ERBB4: variants seen among roughly 807,000 people sequenced by gnomAD.
ERBB4 encodes the protein receptor tyrosine-protein kinase erbB-4.
A neutral mutation model predicts 158.0 loss-of-function variants in ERBB4; 42 were observed. The ratio of observed to expected loss-of-function variants is 0.27; its 90% CI spans 0.21 to 0.34. The LOEUF (loss-of-function observed/expected upper bound fraction) is 0.34. ERBB4 is among the 10% of genes least tolerant of loss of function. The probability of loss-of-function intolerance (pLI) is 1.00; values close to 1 mark genes in which losing one functional copy is unlikely to be tolerated. For synonymous variants in ERBB4, 583 were observed against 558.7 expected, an observed-to-expected ratio of 1.04 and a Z score of -0.61; for missense variants, 1,333 against 1,624.1, an observed-to-expected ratio of 0.82 and a Z score of 3.08.
At chr2:212,367,090 C>G (rs770632652) in intron 1 of ERBB4, among the ~76,000 whole-genome samples, 3 of 151,932 alleles carry the variant, frequency 2.0e-5, no homozygotes, top group Non-Finnish European at 2.9e-5. Context: ...ACTACACCCC[C>G]AAAACCCTGT....
At chr2:212,204,331 T>A (rs2082673043) in intron 1 of ERBB4, among the ~76,000 whole-genome samples, 1 of 152,198 alleles carries the variant, frequency 6.6e-6, no homozygotes, top group South Asian at 2.1e-4. Flanking sequence ...TGTTTTAAAC[T>A]TAATGTGTCT....
chr2:212,411,961 C>T (rs1400351030), intron 1 of ERBB4, among the ~76,000 whole-genome samples: 1 of 152,114 alleles, frequency 6.6e-6, no homozygotes, highest in Admixed American at 6.6e-5. Context: ...AAGACTTCTT[C>T]TTCTTCTTAG....
intron 2 of ERBB4, among the ~76,000 whole-genome samples, chr2:212,100,940 G>C (rs868618719): frequency 4.6e-5 from 7 of 152,112 alleles, no homozygotes; most frequent in African/African-American, 1.7e-4. Context: ...CAGGTAAGTA[G>C]ATAAATGTGT....
intron 15 of ERBB4, 185 bp from the exon 16 acceptor site, chr2:211,658,013 TA>T: frequency 1.3e-6 from 2 of 1,582,482 alleles, no homozygotes; most frequent in Non-Finnish European, 1.7e-6. Flanking sequence ...AATGCAAATT[TA>T]AAAAAATACA....
intron 1 of ERBB4, among the ~76,000 whole-genome samples, chr2:212,211,465 G>A (rs79988165): frequency 0.063 from 9,549 of 152,110 alleles, 359 homozygotes; most frequent in Non-Finnish European, 0.082. Flanking sequence ...TGTGTCCTTA[G>A]TGCTTAGCTC....
At chr2:212,464,115 A>G (rs568168475) in intron 1 of ERBB4, among the ~76,000 whole-genome samples, 2 of 152,264 alleles carry the variant, frequency 1.3e-5, no homozygotes, top group African/African-American at 4.8e-5. Context: ...TGTGGTCTCA[A>G]AATAATGACT....
rs577425728 is a variant in ERBB4 at position 211,508,969 on chromosome 2, T to A, written c.2487+52934A>T. Among the ~76,000 whole-genome samples, 3 of 151,432 alleles carry A rather than the reference T, an allele frequency of 2.0e-5. No homozygotes were observed. In the South Asian group the frequency reaches 6.3e-4, roughly 32 times the overall value. On this transcript the variant is annotated intron_variant, in intron 20 of 27. Transcript: ENST00000342788. ...AAAAAACAAAACAAAAAAAAGAAAA[T>A]GTGTCACATATACAGCATGGAATAC... is the stretch of plus-strand genomic sequence containing the variant.
intron 3 of ERBB4, among the ~76,000 whole-genome samples, chr2:211,831,860 G>A (rs1261887820): frequency 6.6e-6 from 1 of 151,744 alleles, no homozygotes; most frequent in South Asian, 2.1e-4. Flanking sequence ...CCGAGGTCGC[G>A]CCATTGCACT....
At chr2:211,762,056 T>C (rs1215857779) in intron 4 of ERBB4, among the ~76,000 whole-genome samples, 1 of 152,252 alleles carries the variant, frequency 6.6e-6, no homozygotes, top group African/African-American at 2.4e-5. Context: ...ACATGCAAAG[T>C]ACCTGGCTTG....
chr2:211,628,597 C>T (rs1236591936), intron 17 of ERBB4, among the ~76,000 whole-genome samples: 1 of 152,156 alleles, frequency 6.6e-6, no homozygotes, highest in African/African-American at 2.4e-5. Flanking sequence ...GGTTCCAAGT[C>T]TTTGCTATTG....
intron 1 of ERBB4, among the ~76,000 whole-genome samples, chr2:212,344,691 T>C (rs1574730571): frequency 6.6e-6 from 1 of 152,258 alleles, no homozygotes; most frequent in African/African-American, 2.4e-5. Context: ...CCTACTTTCA[T>C]GGTATATAAC....
At position 212,235,335 on chromosome 2, in the gene ERBB4, A is replaced by T. The variant is rs187718666; in HGVS notation, c.83-110432T>A. Among the ~76,000 whole-genome samples, 3 of 152,220 alleles carry T rather than the reference A, an allele frequency of 2.0e-5. No individual in the cohort carries two copies. The East Asian group carries it at 5.8e-4, about 29-fold the overall frequency. ...CCTATGTTCTGTTCCATTCATCTAT[A>T]TATCTGTTTTGGTACCAGTACCATG... On this transcript the variant is annotated intron_variant, in intron 1 of 27. Transcript: ENST00000342788.
At chr2:211,404,230 C>G (rs777883413) in intron 25 of ERBB4, among the ~76,000 whole-genome samples, 3 of 152,060 alleles carry the variant, frequency 2.0e-5, no homozygotes, top group Non-Finnish European at 4.4e-5. Context: ...GCTGCCGGTT[C>G]CATCAGTGCT....
At chr2:211,399,481 A>G (rs1410006875) in intron 25 of ERBB4, among the ~76,000 whole-genome samples, 6 of 152,212 alleles carry the variant, frequency 3.9e-5, no homozygotes, top group Non-Finnish European at 8.8e-5. Flanking sequence ...GATATTATAT[A>G]TGGTACACAT....
At chr2:211,896,540 C>T (rs528930462) in intron 3 of ERBB4, among the ~76,000 whole-genome samples, 3 of 152,060 alleles carry the variant, frequency 2.0e-5, no homozygotes, top group African/African-American at 4.8e-5. Flanking sequence ...TAATGGATTT[C>T]TTTATTTCTA....
chr2:211,548,309 G>A (rs1390566087), intron 20 of ERBB4, among the ~76,000 whole-genome samples: 7 of 150,412 alleles, frequency 4.7e-5, no homozygotes, highest in Admixed American at 6.6e-5. Context: ...TAGAAAGATC[G>A]AGAGGGAAAA....
chr2:211,706,202 C>T (rs748848081), intron 9 of ERBB4, among the ~76,000 whole-genome samples: 5 of 152,264 alleles, frequency 3.3e-5, no homozygotes, highest in Non-Finnish European at 7.4e-5. Context: ...CAGATCAAAA[C>T]TTCTAAGAAC....
At chr2:211,434,877 A>T (rs1488835210) in intron 20 of ERBB4, among the ~76,000 whole-genome samples, 1 of 152,232 alleles carries the variant, frequency 6.6e-6, no homozygotes, top group Non-Finnish European at 1.5e-5. Flanking sequence ...TAACTATGAA[A>T]CATCATTATA....
intron 4 of ERBB4, among the ~76,000 whole-genome samples, chr2:211,752,033 C>T (rs2075145709): frequency 6.6e-6 from 1 of 152,124 alleles, no homozygotes. Flanking sequence ...GTATAATATC[C>T]TGTCACTCTG....
Sources: allele counts gnomAD v4.1 joint callset (sites outside exome capture counted in the v4.1 genomes callset), GRCh38; gene constraint gnomAD v4.1.1; transcripts MANE v1.5; gene names NCBI Gene and HGNC (gene_info 2026-07-23, HGNC 2026-07-21).